CD9: variants seen among roughly 807,000 people sequenced by gnomAD.
CD9 encodes the protein CD9 molecule, also known as CD9 antigen.
In CD9, 10 loss-of-function variants were observed where a neutral mutation model predicts 31.4. The observed-to-expected ratio is 0.32, with a 90% CI of 0.20 to 0.54. The LOEUF is 0.54. Among genes scored for constraint, CD9 ranks in the 20% least tolerant of loss-of-function variants. The pLI, the probability that CD9 is intolerant of heterozygous loss-of-function variation, is 0.94. For synonymous variants in CD9, 113 were observed against 114.1 expected, an observed-to-expected ratio of 0.99 and a Z score of 0.06; for missense variants, 259 against 300.1, an observed-to-expected ratio of 0.86 and a Z score of 1.01.
At position 6,235,773 on chromosome 12, in the gene CD9, A is replaced by AGT. The variant is rs1021314710; in HGVS notation, c.537+211_537+212dup. On this transcript the variant is annotated intron_variant, in intron 6 of 7. Transcript: ENST00000009180. Reference sequence around the variant, plus strand: ...CAAAGGCCGGACCAGGGGAATGACAAGTGTTCTGGCACCGCCCACTGCTGC... The same window carrying AGT: ...CAAAGGCCGGACCAGGGGAATGACAAGTGTGTTCTGGCACCGCCCACTGCTGC... 4.3e-6 allele frequency: 6 copies of AGT among 1,400,212 alleles called. No homozygotes were observed. In the African/African-American group the frequency reaches 8.7e-5, roughly 20 times the overall value. The allele number at this position is 1,400,212 out of a possible 1,614,324, so 86.7% of individuals were successfully genotyped here. A position where few individuals can be genotyped will look rare whatever the true frequency, so the allele number is the denominator to read the frequency against.
intron 5 of CD9, 23 bp downstream of exon 5, chr12:6,235,350 C>T (rs1946504153): frequency 6.2e-7 from 1 of 1,614,198 alleles, no homozygotes. Flanking sequence ...GGCAAAGACA[C>T]CCTCCTGCGC....
intron 1 of CD9, among the ~76,000 whole-genome samples, chr12:6,205,333 C>T (rs1029128506): frequency 1.3e-5 from 2 of 152,318 alleles, no homozygotes; most frequent in Admixed American, 6.5e-5. Flanking sequence ...CCTCTGCACA[C>T]GCTCACACTC....
intron 6 of CD9, 165 bp from the exon 7 acceptor site, chr12:6,236,027 C>A (rs1180406349): frequency 2.8e-6 from 4 of 1,437,750 alleles, no homozygotes; most frequent in Non-Finnish European, 3.6e-6. Flanking sequence ...CCCTTTGTTC[C>A]CCTTTCCATC....
intron 1 of CD9, 35 bp downstream of exon 1, chr12:6,200,600 G>A: frequency 3.4e-6 from 5 of 1,484,354 alleles, no homozygotes; most frequent in Non-Finnish European, 4.7e-6. Context: ...CTCCTCTCAG[G>A]GCCCACCTGT....
At chr12:6,233,323 T>C in intron 3 of CD9, 89 bp from the exon 4 acceptor site, 2 of 918,968 alleles carry the variant, frequency 2.2e-6, no homozygotes, top group Non-Finnish European at 1.8e-6. Flanking sequence ...CCCAGGGAGT[T>C]GTCCTTCTTC....
At chr12:6,201,763 G>A (rs1391272438) in intron 1 of CD9, among the ~76,000 whole-genome samples, 3 of 152,250 alleles carry the variant, frequency 2.0e-5, no homozygotes, top group Non-Finnish European at 4.4e-5. Context: ...ACTTGGCCAG[G>A]CACAGTGGCT....
In CD9 at chr12:6,235,339, T is replaced by G. The variant is rs1490159846; in HGVS notation, c.447+12T>G. ...CCATCCACTATGCGGTATGTCGCCT[T>G]GGCAAAGACACCCTCCTGCGCTTTC... On this transcript the variant is annotated intron_variant, in intron 5 of 7. Coordinates refer to ENST00000009180, the MANE Select transcript of CD9 (RefSeq NM_001769.4). 6.2e-7 allele frequency: 1 copy of G among 1,614,124 alleles called. No homozygotes were observed. The highest frequency in any genetic ancestry group is 8.5e-7 in the Non-Finnish European group (1 of 1,180,048).
chr12:6,225,152 G>A lies in CD9; in HGVS notation c.67-274G>A, dbSNP rs71582877. ...GTGTTGCGTGTAGCTAGAGTTACTCGTTTTCACTGCTGTATAGTGTTCTGT... is the reference window on the plus strand; with the variant it reads ...GTGTTGCGTGTAGCTAGAGTTACTCATTTTCACTGCTGTATAGTGTTCTGT... On this transcript the variant is annotated intron_variant, in intron 1 of 7. Coordinates refer to ENST00000009180, the MANE Select transcript of CD9 (RefSeq NM_001769.4). 138 of 410,274 alleles carry A rather than the reference G, an allele frequency of 3.4e-4. 1 individual carries two copies. The highest frequency in any genetic ancestry group is 2.4e-3 in the African/African-American group (118 of 49,402). 25.4% of individuals were successfully genotyped at this position (410,274 alleles called of 1,614,324 possible).
intron 4 of CD9, among the ~76,000 whole-genome samples, 154 bp from the exon 5 acceptor site, chr12:6,235,075 G>A (rs529209085): frequency 6.6e-6 from 1 of 152,354 alleles, no homozygotes; most frequent in South Asian, 2.1e-4. Flanking sequence ...AGAGAAGGCA[G>A]TGCTAGCAGC....
intron 4 of CD9, 87 bp downstream of exon 4, chr12:6,233,573 T>C (rs1946479185): frequency 1.9e-6 from 2 of 1,028,926 alleles, no homozygotes; most frequent in Non-Finnish European, 1.5e-6. Context: ...CTGGGCACTT[T>C]GTTCAGCTTT....
intron 3 of CD9, 150 bp from the exon 4 acceptor site, chr12:6,233,262 C>G (rs1946474479): frequency 3.0e-6 from 2 of 658,644 alleles, no homozygotes; most frequent in Non-Finnish European, 5.5e-6. Context: ...GTTCTGTGAA[C>G]TTCTTCCCTG....
At chr12:6,223,034 C>T (rs749268898) in intron 1 of CD9, among the ~76,000 whole-genome samples, 18 of 152,196 alleles carry the variant, frequency 1.2e-4, no homozygotes, top group Non-Finnish European at 2.2e-4. Context: ...AGCACTGTCT[C>T]GCTATCTCCC....
chr12:6,220,642 G>A (rs548414014), intron 1 of CD9, among the ~76,000 whole-genome samples: 37 of 152,332 alleles, frequency 2.4e-4, no homozygotes, highest in African/African-American at 8.9e-4. Flanking sequence ...TCAGGAAAGA[G>A]GTTAATTAGT....
Position 6,206,722 on chromosome 12 carries a change from T to A in CD9, c.66+6157T>A, listed in dbSNP as rs1285589922. 2.0e-5 allele frequency among the ~76,000 whole-genome samples: 3 copies of A among 152,074 alleles called. No homozygotes were observed. The East Asian group carries it at 5.8e-4, about 30-fold the overall frequency. On this transcript the variant is annotated intron_variant, in intron 1 of 7. Transcript: ENST00000009180. ...ATAATAATTGTATCTATCTGGTAAT[T>A]TCCTCCCCCCGCCTCTCCAAAAATA... is the stretch of plus-strand genomic sequence containing the variant.
chr12:6,202,416 C>A (rs912443526), intron 1 of CD9, among the ~76,000 whole-genome samples: 1 of 152,234 alleles, frequency 6.6e-6, no homozygotes, highest in African/African-American at 2.4e-5. Flanking sequence ...CTCACCCACC[C>A]TTGAACTTTG....
At position 6,237,749 on chromosome 12, in the gene CD9, T is replaced by G; in HGVS notation, c.622-14T>G. The G allele has an allele frequency of 6.2e-7, 1 of 1,606,712 alleles. No individual in the cohort carries two copies. Among genetic ancestry groups the G allele is most frequent in the South Asian group, 1.1e-5 (1 of 90,844 alleles). On this transcript the variant is annotated splice_polypyrimidine_tract_variant and intron_variant, in intron 7 of 7. Coordinates refer to ENST00000009180, the MANE Select transcript of CD9 (RefSeq NM_001769.4). ...CAAACCACCCTGATCCTCATGTTTC[T>G]TCCTATCTCCTAGATATTTGGCATG...
At chr12:6,237,335 A>G (rs955255150) in intron 7 of CD9, among the ~76,000 whole-genome samples, 2 of 152,138 alleles carry the variant, frequency 1.3e-5, no homozygotes, top group African/African-American at 2.4e-5. Flanking sequence ...AGGCAGGCGG[A>G]TCGCACCACA....
intron 7 of CD9, 30 bp from the exon 8 acceptor site, chr12:6,237,733 C>G: frequency 1.3e-6 from 2 of 1,569,340 alleles, no homozygotes; most frequent in Non-Finnish European, 1.8e-6. Context: ...TCAAACCACC[C>G]TGATCCTCAT....
intron 7 of CD9, among the ~76,000 whole-genome samples, chr12:6,237,065 G>A (rs1426079801): frequency 4.6e-5 from 7 of 151,942 alleles, no homozygotes; most frequent in Non-Finnish European, 5.9e-5. Flanking sequence ...TGCAACCTCC[G>A]CCTCTCTGGG....
Sources: gnomAD v4.1 joint callset for allele counts (sites outside exome capture counted in the v4.1 genomes callset) on GRCh38, gnomAD v4.1.1 for gene constraint, MANE v1.5 for transcripts, NCBI Gene and HGNC (gene_info 2026-07-23, HGNC 2026-07-21) for gene names.